Variants in USO1 observed in about 807,000 individuals in gnomAD.
The protein encoded by USO1 is USO1 vesicle transport factor, also known as general vesicular transport factor p115.
In USO1, 57 loss-of-function variants were observed where a neutral mutation model predicts 124.5. The observed-to-expected ratio is 0.46, with a 90% CI of 0.37 to 0.57. The LOEUF is 0.57. Among genes scored for constraint, USO1 ranks in the 20% least tolerant of loss-of-function variants. USO1 has a pLI of 0.00. For missense variants in USO1, 900 were observed against 1,040.6 expected (o/e 0.86, Z 1.86); for synonymous variants, 369 against 362.8 (o/e 1.02, Z -0.19).
At chr4:75,731,429 G>T (rs912491978) in intron 1 of USO1, among the ~76,000 whole-genome samples, 3 of 152,142 alleles carry the variant, frequency 2.0e-5, no homozygotes, top group Non-Finnish European at 2.9e-5. Context: ...GGACATGGTG[G>T]CAGGTGCCTG....
intron 13 of USO1, among the ~76,000 whole-genome samples, chr4:75,794,188 C>G (rs1200439115): frequency 6.6e-6 from 1 of 152,142 alleles, no homozygotes; most frequent in Non-Finnish European, 1.5e-5. Context: ...AGTGTTCTTG[C>G]ATGTCATTTT....
rs373867318 is a variant in USO1 at position 75,797,634 on chromosome 4, T to A, written c.1453-1988T>A. Among the ~76,000 whole-genome samples the A allele has an allele frequency of 3.3e-5, 5 of 151,540 alleles. No homozygotes were observed. In the East Asian group the frequency reaches 7.7e-4, roughly 23 times the overall value. On this transcript the variant is annotated intron_variant, in intron 13 of 23. Coordinates refer to ENST00000514213, the MANE Select transcript of USO1 (RefSeq NM_003715.4). ...ATTTTATTCATTTATTTATTTTTAA[T>A]TTATTTTACAATTATTATTTTTTTT...
intron 1 of USO1, among the ~76,000 whole-genome samples, chr4:75,736,422 A>G (rs748855121): frequency 1.1e-4 from 16 of 146,642 alleles, no homozygotes; most frequent in South Asian, 2.1e-4. Flanking sequence ...GGTTCAAGCA[A>G]TTCTCTGCCT....
intron 1 of USO1, among the ~76,000 whole-genome samples, chr4:75,751,073 T>C: frequency 6.6e-6 from 1 of 152,080 alleles, no homozygotes; most frequent in Non-Finnish European, 1.5e-5. Context: ...TGTATTACAA[T>C]TGTTTAGCTT....
intron 1 of USO1, among the ~76,000 whole-genome samples, chr4:75,747,255 G>A (rs949521932): frequency 6.6e-6 from 1 of 152,122 alleles, no homozygotes; most frequent in Non-Finnish European, 1.5e-5. Context: ...AATGGTGCTA[G>A]GTAAATAAGT....
intron 3 of USO1, among the ~76,000 whole-genome samples, chr4:75,753,420 G>T (rs1403231613): frequency 1.3e-5 from 2 of 152,084 alleles, no homozygotes; most frequent in Non-Finnish European, 2.9e-5. Flanking sequence ...TGTAATCCCA[G>T]CTACTTGGGA....
Position 75,757,504 on chromosome 4 carries a change from T to G in USO1, c.226T>G (p.Ser76Ala). 1 of 1,508,236 alleles carries G rather than the reference T, an allele frequency of 6.6e-7. No individual in the cohort carries two copies. Among genetic ancestry groups the G allele is most frequent in the South Asian group, 1.3e-5 (1 of 77,972 alleles). 93.4% of individuals were successfully genotyped at this position (1,508,236 alleles called of 1,614,324 possible). A position where few individuals can be genotyped will look rare whatever the true frequency, so the allele number is the denominator to read the frequency against. ...ATAATTTCTTTTTTCCAGTTCAGAT[T>G]CTGAAATAATAGGTTATGCTTTGGA... ...IHVLQTDRSD[S>A]EIIGYALDTL... is the part of the protein sequence containing the mutation. The change falls in exon 4 of 24, where the codon TCT (serine) becomes GCT (alanine). Residue 76 changes from serine to alanine, a missense_variant. Around this residue, in one of 2 missense-constraint regions of USO1, gnomAD observed 538 missense variants for 681.6 expected, o/e 0.79. Transcript: ENST00000514213.
chr4:75,791,859 A>G (rs1722541558), intron 12 of USO1, among the ~76,000 whole-genome samples: 1 of 152,140 alleles, frequency 6.6e-6, no homozygotes, highest in Admixed American at 6.5e-5. Context: ...TGAAAATAAG[A>G]CCCTGATGTA....
chr4:75,767,594 A>G lies in USO1; in HGVS notation c.296-2845A>G, dbSNP rs192122154. 1.1e-5 allele frequency: 3 copies of G among 285,104 alleles called. No individual in the cohort carries two copies. The East Asian group carries it at 3.8e-4, about 37-fold the overall frequency. The allele number at this position is 285,104 out of a possible 1,614,324, so 17.7% of individuals were successfully genotyped here. A position where few individuals can be genotyped will look rare whatever the true frequency, so the allele number is the denominator to read the frequency against. On this transcript the variant is annotated intron_variant, in intron 4 of 23. Transcript: ENST00000514213. The stretch of plus-strand genomic sequence containing the variant: ...CCCATCTATACTAAACGTAGAAAAA[A>G]TTAGCCGGGCGTGGTAGCAGGCATC...
chr4:75,727,740 A>G (rs1720505214), intron 1 of USO1, among the ~76,000 whole-genome samples: 2 of 152,036 alleles, frequency 1.3e-5, no homozygotes, highest in Admixed American at 6.6e-5. Flanking sequence ...AATTTTTTTC[A>G]TGGTGGCTTT....
At chr4:75,803,400 C>A (rs1005103421) in intron 17 of USO1, among the ~76,000 whole-genome samples, 1 of 151,930 alleles carries the variant, frequency 6.6e-6, no homozygotes, top group African/African-American at 2.4e-5. Context: ...GTAATCCCAG[C>A]ACTTTGGGAG....
At position 75,810,653 on chromosome 4, in the gene USO1, T is replaced by C. The variant is rs960428716; in HGVS notation, c.2583+114T>C. 6 of 1,259,218 alleles carry C rather than the reference T, an allele frequency of 4.8e-6. No individual in the cohort carries two copies. In the Admixed American group the frequency reaches 9.3e-5, roughly 19 times the overall value. 78.0% of individuals were successfully genotyped at this position (1,259,218 alleles called of 1,614,324 possible). A position where few individuals can be genotyped will look rare whatever the true frequency, so the allele number is the denominator to read the frequency against. On this transcript the variant is annotated intron_variant, in intron 22 of 23. Transcript: ENST00000514213. The stretch of plus-strand genomic sequence containing the variant: ...TGAAGAAAGCTAATGATGTGTAATT[T>C]TATCTCACAACATTTTCACTCCTAT...
intron 1 of USO1, among the ~76,000 whole-genome samples, chr4:75,725,712 G>A (rs572110829): frequency 3.0e-4 from 46 of 152,158 alleles, no homozygotes; most frequent in Middle Eastern, 3.4e-3. Flanking sequence ...TTTGGTTAGT[G>A]TTTAATGGAA....
At chr4:75,748,480 C>T (rs375387529) in intron 1 of USO1, among the ~76,000 whole-genome samples, 3 of 152,152 alleles carry the variant, frequency 2.0e-5, no homozygotes, top group Non-Finnish European at 2.9e-5. Flanking sequence ...TGAGCCACCG[C>T]GCCTGGCCAT....
At chr4:75,750,698 T>C (rs1446206573) in intron 1 of USO1, among the ~76,000 whole-genome samples, 2 of 142,520 alleles carry the variant, frequency 1.4e-5, no homozygotes, top group African/African-American at 2.5e-5. Flanking sequence ...TTGGCCAGGA[T>C]GGTCTCGATC....
At position 75,805,496 on chromosome 4, in the gene USO1, C is replaced by T. The variant is rs1722969618; in HGVS notation, c.2289+193C>T. 2.6e-5 allele frequency among the ~76,000 whole-genome samples: 4 copies of T among 151,946 alleles called. No homozygotes were observed. The South Asian group carries it at 8.3e-4, about 32-fold the overall frequency. Reference sequence around the variant, plus strand: ...CTGAGGTGGGCGGATCACCTGAGGTCAGGAGTTCAAGACTAGCCTGGCCAA... The same window carrying T: ...CTGAGGTGGGCGGATCACCTGAGGTTAGGAGTTCAAGACTAGCCTGGCCAA... On this transcript the variant is annotated intron_variant, in intron 19 of 23. Coordinates refer to ENST00000514213, the MANE Select transcript of USO1 (RefSeq NM_003715.4).
At chr4:75,792,718 T>C (rs960318238) in intron 12 of USO1, among the ~76,000 whole-genome samples, 11 of 151,854 alleles carry the variant, frequency 7.2e-5, no homozygotes, top group African/African-American at 2.4e-4. Flanking sequence ...AAAAATAAAA[T>C]ATACACTTAT....
intron 3 of USO1, among the ~76,000 whole-genome samples, chr4:75,753,888 A>G (rs1326308316): frequency 1.6e-4 from 23 of 145,344 alleles, no homozygotes; most frequent in African/African-American, 5.7e-4. Flanking sequence ...AGTTTATGCC[A>G]TTCTCCTGCC....
intron 3 of USO1, among the ~76,000 whole-genome samples, chr4:75,756,888 ACTTTT>A (rs2149158541): frequency 6.6e-6 from 1 of 152,084 alleles, no homozygotes; most frequent in East Asian, 1.9e-4. Context: ...GATAACAGTT[ACTTTT>A]CTTTATATTT....
Sources: allele counts gnomAD v4.1 joint callset (sites outside exome capture counted in the v4.1 genomes callset), GRCh38; gene constraint gnomAD v4.1.1; regional missense constraint gnomAD v4.1.1; transcripts MANE v1.5; gene names NCBI Gene and HGNC (gene_info 2026-07-23, HGNC 2026-07-21).